HCRTR2: variants seen among roughly 807,000 people sequenced by gnomAD.
HCRTR2 encodes the protein orexin receptor type 2.
A neutral mutation model predicts 49.0 loss-of-function variants in HCRTR2; 22 were observed. That is an observed-to-expected ratio of 0.45 (90% CI 0.32 to 0.64). HCRTR2 has a LOEUF of 0.64. Among genes scored for constraint, HCRTR2 ranks in the 30% least tolerant of loss-of-function variants. The pLI is 0.04. For missense variants in HCRTR2, 491 were observed against 559.4 expected, an observed-to-expected ratio of 0.88 and a Z score of 1.23; for synonymous variants, 236 against 205.3, an observed-to-expected ratio of 1.15 and a Z score of -1.28.
chr6:55,166,365 ACTT>A (rs1764877405), intron 1 of HCRTR2, among the ~76,000 whole-genome samples: 1 of 147,024 alleles, frequency 6.8e-6, no homozygotes, highest in South Asian at 2.1e-4. Context: ...AGTCCAAAAG[ACTT>A]CTTCTTTAGT....
At chr6:55,277,757 T>C (rs1313196303) in intron 5 of HCRTR2, among the ~76,000 whole-genome samples, 157 bp downstream of exon 5, 3 of 151,868 alleles carry the variant, frequency 2.0e-5, no homozygotes, top group African/African-American at 7.3e-5. Flanking sequence ...TACCAGCAGG[T>C]AAGGCGAACA....
intron 2 of HCRTR2, among the ~76,000 whole-genome samples, chr6:55,251,024 AT>A (rs1339068132): frequency 2.0e-5 from 3 of 152,158 alleles, no homozygotes; most frequent in African/African-American, 7.2e-5. Flanking sequence ...CTCATTTTTC[AT>A]AGAATGTTCC....
At chr6:55,196,010 A>G (rs948564209) in intron 1 of HCRTR2, among the ~76,000 whole-genome samples, 25 of 152,182 alleles carry the variant, frequency 1.6e-4, no homozygotes, top group African/African-American at 6.0e-4. Context: ...AAACAAAAAC[A>G]GTATTCATAA....
chr6:55,228,309 G>A (rs757786457), intron 1 of HCRTR2, among the ~76,000 whole-genome samples: 5 of 151,246 alleles, frequency 3.3e-5, no homozygotes, highest in Non-Finnish European at 5.9e-5. Context: ...TGAAAAGACA[G>A]CAACAGAGTT....
At chr6:55,109,591 C>T (rs946691028) in intron 1 of HCRTR2, among the ~76,000 whole-genome samples, 1 of 151,660 alleles carries the variant, frequency 6.6e-6, no homozygotes, top group East Asian at 1.9e-4. Flanking sequence ...AAATTCTCAA[C>T]AATAGAATCA....
At chr6:55,138,718 C>T (rs1581790800) in intron 1 of HCRTR2, among the ~76,000 whole-genome samples, 1 of 152,216 alleles carries the variant, frequency 6.6e-6, no homozygotes, top group Middle Eastern at 3.2e-3. Flanking sequence ...GAAAGTCATT[C>T]TTTCTATAGT....
At chr6:55,174,170 C>A (rs1764991807), upstream of HCRTR2, 43 of 186,676 alleles carry the variant, frequency 2.3e-4, no homozygotes, top group South Asian at 4.7e-4. Flanking sequence ...CCCAAAAAAA[C>A]AGATTAAATT....
intron 1 of HCRTR2, among the ~76,000 whole-genome samples, chr6:55,213,909 GT>G (rs1349722000): frequency 6.6e-6 from 1 of 151,178 alleles, no homozygotes; most frequent in Non-Finnish European, 1.5e-5. Flanking sequence ...AACTCTCAAG[GT>G]TTTTTTCCTG....
At chr6:55,205,762 T>C (rs747737471) in intron 1 of HCRTR2, among the ~76,000 whole-genome samples, 2 of 152,186 alleles carry the variant, frequency 1.3e-5, no homozygotes, top group Non-Finnish European at 2.9e-5. Context: ...GTGTTTATTT[T>C]TTAGACGGGA....
intron 4 of HCRTR2, among the ~76,000 whole-genome samples, chr6:55,268,814 G>T (rs9475224): frequency 0.019 from 2,947 of 152,152 alleles, 91 homozygotes; most frequent in African/African-American, 0.068. Context: ...ACACAGGCAG[G>T]GTGCGGTGGC....
At chr6:55,252,870 C>T (rs982263775) in intron 2 of HCRTR2, among the ~76,000 whole-genome samples, 5 of 151,988 alleles carry the variant, frequency 3.3e-5, no homozygotes, top group African/African-American at 1.2e-4. Context: ...ATAGTATCAT[C>T]ATCATTATTA....
At chr6:55,146,631 A>G (rs1764584382) in intron 1 of HCRTR2, among the ~76,000 whole-genome samples, 1 of 151,194 alleles carries the variant, frequency 6.6e-6, no homozygotes, top group African/African-American at 2.4e-5. Flanking sequence ...TGTTACAACC[A>G]TGTTTGATGC....
chr6:55,179,945 G>A (rs914269407), intron 1 of HCRTR2, among the ~76,000 whole-genome samples: 1 of 152,124 alleles, frequency 6.6e-6, no homozygotes, highest in African/African-American at 2.4e-5. Context: ...TCTTCTTATA[G>A]CATTCTGACA....
chr6:55,187,728 G>C (rs1299680751), intron 1 of HCRTR2, among the ~76,000 whole-genome samples: 1 of 116,504 alleles, frequency 8.6e-6, no homozygotes, highest in Non-Finnish European at 1.7e-5. Context: ...TTCAGTATTA[G>C]ACAGCTGCTA....
chr6:55,263,849 C>A, intron 4 of HCRTR2, 27 bp downstream of exon 4: 3 of 1,249,188 alleles, frequency 2.4e-6, no homozygotes, highest in Non-Finnish European at 2.4e-6. Context: ...ATTTTGCGTG[C>A]ATTATTCCTC....
intron 1 of HCRTR2, among the ~76,000 whole-genome samples, chr6:55,144,140 T>G (rs1764547318): frequency 7.3e-6 from 1 of 137,854 alleles, no homozygotes; most frequent in African/African-American, 2.7e-5. Flanking sequence ...TTGACGGAGT[T>G]TCGCTGTTGT....
chr6:55,192,413 GCACA>G (rs1554171107), intron 1 of HCRTR2, among the ~76,000 whole-genome samples: 232 of 128,520 alleles, frequency 1.8e-3, no homozygotes, highest in Middle Eastern at 3.9e-3. Context: ...GCGCGCGCGC[GCACA>G]CACACACACA....
chr6:55,272,344 G>A (rs1308957000), intron 4 of HCRTR2, among the ~76,000 whole-genome samples: 2 of 152,016 alleles, frequency 1.3e-5, no homozygotes, highest in Non-Finnish European at 2.9e-5. Context: ...TCCTTGGCAC[G>A]GGCTGGCAGA....
chr6:55,208,328 A>T (rs1366507356), intron 1 of HCRTR2, among the ~76,000 whole-genome samples: 5 of 136,474 alleles, frequency 3.7e-5, no homozygotes, highest in Admixed American at 7.3e-5. Context: ...ATAAAAAAAT[A>T]AAAAAAAAAA....
Sources: allele counts gnomAD v4.1 joint callset (sites outside exome capture counted in the v4.1 genomes callset), GRCh38; gene constraint gnomAD v4.1.1; transcripts MANE v1.5; gene names NCBI Gene and HGNC (gene_info 2026-07-23, HGNC 2026-07-21).